The following SPIDR variants were observed in gnomAD, a reference collection of about 807,000 sequenced individuals.
SPIDR encodes scaffold protein involved in DNA repair.
Under a neutral mutation model 104.6 loss-of-function variants are expected in SPIDR, and 93 were observed. That is an observed-to-expected ratio of 0.89 (90% confidence interval 0.75 to 1.06). The LOEUF (loss-of-function observed/expected upper bound fraction) is 1.06, where lower values mean the gene tolerates loss of function less well. Among genes scored for constraint, SPIDR ranks in the 50% least tolerant of loss-of-function variants. The probability of loss-of-function intolerance (pLI) is 0.00; values close to 1 mark genes in which losing one functional copy is unlikely to be tolerated. For synonymous variants in SPIDR, 431 were observed against 416.9 expected, an observed-to-expected ratio of 1.03 and a Z score of -0.41; for missense variants, 1,154 against 1,111.2, an observed-to-expected ratio of 1.04 and a Z score of -0.55.
intron 16 of SPIDR, among the ~76,000 whole-genome samples, chr8:47,723,846 C>T (rs1392604754): frequency 6.6e-6 from 1 of 152,108 alleles, no homozygotes; most frequent in Non-Finnish European, 1.5e-5. Flanking sequence ...ATGCAGGTAC[C>T]TTCTATCAGA....
intron 6 of SPIDR, among the ~76,000 whole-genome samples, chr8:47,400,853 C>A (rs374891065): frequency 2.0e-5 from 3 of 151,938 alleles, no homozygotes; most frequent in African/African-American, 7.3e-5. Flanking sequence ...ACAAAATCTA[C>A]GTCTGATTGG....
At chr8:47,644,932 A>G (rs1006303574) in intron 10 of SPIDR, among the ~76,000 whole-genome samples, 3 of 152,212 alleles carry the variant, frequency 2.0e-5, no homozygotes, top group African/African-American at 4.8e-5. Context: ...TATTGCAAAG[A>G]AAAGGATGGA....
chr8:47,547,238 G>A, intron 8 of SPIDR: 2 of 626,928 alleles, frequency 3.2e-6, no homozygotes, highest in Non-Finnish European at 6.1e-6. Flanking sequence ...TTGTACTTGG[G>A]CTCCTCAGGT....
chr8:47,493,042 A>AGTGTGT (rs60518877), intron 8 of SPIDR, among the ~76,000 whole-genome samples: 26 of 140,612 alleles, frequency 1.8e-4, no homozygotes, highest in Middle Eastern at 3.5e-3. Flanking sequence ...AGAGAGAGTG[A>AGTGTGT]GTGTGTGTGT....
intron 1 of SPIDR, chr8:47,276,713 G>A (rs1471746493): frequency 6.6e-6 from 1 of 152,234 alleles, no homozygotes; most frequent in Non-Finnish European, 1.5e-5. Context: ...AAGCTAGATG[G>A]CGTCAAGGTG....
chr8:47,423,609 A>T, intron 7 of SPIDR, among the ~76,000 whole-genome samples: 1 of 152,254 alleles, frequency 6.6e-6, no homozygotes, highest in East Asian at 1.9e-4. Flanking sequence ...CTGAAAAAAA[A>T]ATAAAAATAA....
intron 5 of SPIDR, among the ~76,000 whole-genome samples, chr8:47,348,294 G>T (rs567093121): frequency 6.6e-6 from 1 of 152,184 alleles, no homozygotes; most frequent in Non-Finnish European, 1.5e-5. Context: ...CTTCTGACTT[G>T]CAGAGTGTCT....
At chr8:47,689,983 C>G (rs919528788) in intron 11 of SPIDR, among the ~76,000 whole-genome samples, 2 of 151,860 alleles carry the variant, frequency 1.3e-5, no homozygotes, top group African/African-American at 2.4e-5. Flanking sequence ...TGTGTGAATT[C>G]AAGATAATAA....
chr8:47,270,387 ATTTTAG>A (rs2035047641), intron 1 of SPIDR, among the ~76,000 whole-genome samples: 1 of 151,836 alleles, frequency 6.6e-6, no homozygotes, highest in African/African-American at 2.4e-5. Flanking sequence ...TGTTCATTTT[ATTTTAG>A]TTATTTAATT....
chr8:47,485,905 CAG>C (rs1564105891), intron 8 of SPIDR, among the ~76,000 whole-genome samples: 2 of 152,170 alleles, frequency 1.3e-5, no homozygotes, highest in Admixed American at 6.5e-5. Context: ...GGGGAAAAAA[CAG>C]AGCAGAAAAG....
chr8:47,671,038 T>A (rs1243995731), intron 10 of SPIDR, among the ~76,000 whole-genome samples: 2 of 152,028 alleles, frequency 1.3e-5, no homozygotes, highest in African/African-American at 4.8e-5. Flanking sequence ...GCCTTCTGAG[T>A]AGCTGAGACC....
intron 11 of SPIDR, among the ~76,000 whole-genome samples, chr8:47,697,435 A>G (rs2079498623): frequency 6.6e-6 from 1 of 152,240 alleles, no homozygotes; most frequent in Non-Finnish European, 1.5e-5. Flanking sequence ...TAACATGTGT[A>G]TAGATCTTGA....
intron 6 of SPIDR, among the ~76,000 whole-genome samples, chr8:47,406,695 T>C (rs116582591): frequency 0.019 from 2,896 of 152,274 alleles, 98 homozygotes; most frequent in African/African-American, 0.066. Context: ...GTGAAAAACA[T>C]AACAAAAACA....
At chr8:47,555,868 C>T (rs1283084163) in intron 8 of SPIDR, among the ~76,000 whole-genome samples, 1 of 152,186 alleles carries the variant, frequency 6.6e-6, no homozygotes, top group East Asian at 1.9e-4. Context: ...AAATTTTGGA[C>T]AGTTATCAGA....
intron 11 of SPIDR, among the ~76,000 whole-genome samples, chr8:47,681,281 G>A (rs1232796725): frequency 6.6e-6 from 1 of 152,086 alleles, no homozygotes; most frequent in Admixed American, 6.6e-5. Flanking sequence ...TGTCCTTTAA[G>A]ACTGGGGTTT....
At chr8:47,372,345 G>C (rs2058132059) in intron 5 of SPIDR, among the ~76,000 whole-genome samples, 1 of 152,212 alleles carries the variant, frequency 6.6e-6, no homozygotes, top group Admixed American at 6.5e-5. Context: ...GCATTAGGGA[G>C]ACAAGCTACT....
At chr8:47,579,733 C>T (rs953642274) in intron 8 of SPIDR, among the ~76,000 whole-genome samples, 1 of 152,098 alleles carries the variant, frequency 6.6e-6, no homozygotes, top group African/African-American at 2.4e-5. Context: ...CCACCCCCAA[C>T]CCAATTTCAT....
At chr8:47,347,022 T>C (rs1202365504) in intron 5 of SPIDR, among the ~76,000 whole-genome samples, 1 of 152,220 alleles carries the variant, frequency 6.6e-6, no homozygotes, top group African/African-American at 2.4e-5. Flanking sequence ...CTCTTGCTGC[T>C]CTAGTTCTGT....
At position 47,263,098 on chromosome 8, in the gene SPIDR, C is replaced by T. The variant is rs549999642; in HGVS notation, c.33+2107C>T. On this transcript the variant is annotated intron_variant, in intron 1 of 19. Transcript: ENST00000297423. ...TAGTCTCATTTTATGGATGAGGAAA[C>T]TGAGGCTCAGCAGAGAGGCTAAGTA... Among the ~76,000 whole-genome samples the T allele has an allele frequency of 3.0e-3, 453 of 152,306 alleles. 4 individuals carry two copies. Among genetic ancestry groups the T allele is most frequent in the Middle Eastern group, 0.027 (8 of 294 alleles).
Sources: gnomAD v4.1 joint callset for allele counts (sites outside exome capture counted in the v4.1 genomes callset) on GRCh38, gnomAD v4.1.1 for gene constraint, MANE v1.5 for transcripts, NCBI Gene and HGNC (gene_info 2026-07-23, HGNC 2026-07-21) for gene names.